AKAP7: variants seen among roughly 807,000 people sequenced by gnomAD.
The protein encoded by AKAP7 is A-kinase anchoring protein 7, also known as A kinase (PRKA) anchor protein 7.
In AKAP7, 39 loss-of-function variants were observed where a neutral mutation model predicts 39.5. That is an observed-to-expected ratio of 0.99 (90% CI 0.76 to 1.29). The LOEUF (loss-of-function observed/expected upper bound fraction) is 1.29, where lower values mean the gene tolerates loss of function less well. AKAP7 is among the 50% of genes most tolerant of loss of function. The probability of loss-of-function intolerance (pLI) is 0.00; values close to 1 mark genes in which losing one functional copy is unlikely to be tolerated. For synonymous variants in AKAP7, 140 were observed against 139.1 expected (o/e 1.01, Z -0.05); for missense variants, 414 against 407.7 (o/e 1.02, Z -0.13).
chr6:131,268,253 G>A (rs1013644872), intron 7 of AKAP7, among the ~76,000 whole-genome samples: 1 of 152,044 alleles, frequency 6.6e-6, no homozygotes, highest in African/African-American at 2.4e-5. Context: ...CCTGGGGGTG[G>A]GTGTCTTGGA....
chr6:131,235,626 T>C (rs1810986148), intron 7 of AKAP7, among the ~76,000 whole-genome samples: 1 of 152,214 alleles, frequency 6.6e-6, no homozygotes, highest in Non-Finnish European at 1.5e-5. Context: ...TGGTATCTCA[T>C]TGTGGTTTTT....
At chr6:131,257,919 A>G (rs987628659) in intron 7 of AKAP7, among the ~76,000 whole-genome samples, 3 of 152,186 alleles carry the variant, frequency 2.0e-5, no homozygotes, top group Non-Finnish European at 4.4e-5. Flanking sequence ...ATATAAGTAG[A>G]AATAAAACCA....
intron 1 of AKAP7, among the ~76,000 whole-genome samples, chr6:131,138,289 A>G (rs1800749172): frequency 6.6e-6 from 1 of 152,198 alleles, no homozygotes; most frequent in South Asian, 2.1e-4. Context: ...TGCAAATGAC[A>G]GGATCTTATT....
intron 7 of AKAP7, among the ~76,000 whole-genome samples, chr6:131,277,739 G>T (rs574913251): frequency 6.6e-6 from 1 of 152,178 alleles, no homozygotes; most frequent in South Asian, 2.1e-4. Flanking sequence ...AAGCCTTCCT[G>T]TAGACTCATC....
intron 5 of AKAP7, among the ~76,000 whole-genome samples, chr6:131,198,600 T>A (rs904082423): frequency 1.3e-5 from 2 of 152,184 alleles, no homozygotes; most frequent in Non-Finnish European, 2.9e-5. Context: ...CTGTTCTTTT[T>A]ACCTAATGTC....
intron 6 of AKAP7, among the ~76,000 whole-genome samples, chr6:131,213,017 G>C (rs1172407216): frequency 6.6e-6 from 1 of 152,118 alleles, no homozygotes; most frequent in Non-Finnish European, 1.5e-5. Context: ...CATTTGAATG[G>C]TATCTGAGGT....
intron 7 of AKAP7, among the ~76,000 whole-genome samples, chr6:131,254,265 T>C (rs1239885549): frequency 6.6e-6 from 1 of 152,224 alleles, no homozygotes; most frequent in Non-Finnish European, 1.5e-5. Flanking sequence ...TAACAAATAC[T>C]ATAGGTATTT....
At chr6:131,153,129 C>CAA (rs527758381) in intron 2 of AKAP7, among the ~76,000 whole-genome samples, 12,675 of 111,358 alleles carry the variant, frequency 0.11, 1,404 homozygotes, top group African/African-American at 0.3. Flanking sequence ...GACTCCATCT[C>CAA]AAAAAAAAAA....
At chr6:131,230,167 T>C (rs781527128) in intron 7 of AKAP7, among the ~76,000 whole-genome samples, 1 of 152,212 alleles carries the variant, frequency 6.6e-6, no homozygotes, top group Non-Finnish European at 1.5e-5. Flanking sequence ...TTGAGAAATC[T>C]CCAAACTGCT....
At chr6:131,204,554 C>T (rs1428015811) in intron 6 of AKAP7, among the ~76,000 whole-genome samples, 4 of 152,116 alleles carry the variant, frequency 2.6e-5, no homozygotes, top group East Asian at 3.9e-4. Flanking sequence ...ATGATTTTTC[C>T]GGTAGATCAG....
chr6:131,272,170 T>A (rs1454790472), intron 7 of AKAP7, among the ~76,000 whole-genome samples: 1 of 152,226 alleles, frequency 6.6e-6, no homozygotes, highest in Non-Finnish European at 1.5e-5. Context: ...TTGTTTATAT[T>A]TCCTGATTAT....
In AKAP7 at chr6:131,282,205, C is replaced by A; in HGVS notation, c.*479C>A. ...TAGTCCATAATGTTTCATGTTTGTCCTAAGTGTGCTGTTGCTATGCAGTGT... is the reference window on the plus strand; with the variant it reads ...TAGTCCATAATGTTTCATGTTTGTCATAAGTGTGCTGTTGCTATGCAGTGT... On this transcript the variant is annotated 3_prime_UTR_variant, in exon 8 of 8. Coordinates refer to ENST00000431975, the MANE Select transcript of AKAP7 (RefSeq NM_016377.4). 1 of 1,299,084 alleles carries A rather than the reference C, an allele frequency of 7.7e-7. No homozygotes were observed. Among genetic ancestry groups the A allele is most frequent in the Admixed American group, 3.7e-5 (1 of 27,222 alleles). The allele number at this position is 1,299,084 out of a possible 1,614,324, so 80.5% of individuals were successfully genotyped here.
intron 5 of AKAP7, among the ~76,000 whole-genome samples, chr6:131,173,097 AG>A (rs1562182904): frequency 6.6e-6 from 1 of 151,550 alleles, no homozygotes; most frequent in Non-Finnish European, 1.5e-5. Flanking sequence ...GCTACTCAAG[AG>A]GCCGAGGCAG....
chr6:131,222,321 C>G (rs536592128), intron 7 of AKAP7, among the ~76,000 whole-genome samples: 1 of 152,054 alleles, frequency 6.6e-6, no homozygotes, highest in Non-Finnish European at 1.5e-5. Flanking sequence ...GTCAGGAGAT[C>G]GAGACCATCC....
At chr6:131,225,035 C>T (rs531534392) in intron 7 of AKAP7, among the ~76,000 whole-genome samples, 10 of 152,006 alleles carry the variant, frequency 6.6e-5, no homozygotes, top group Non-Finnish European at 1.2e-4. Flanking sequence ...GGATTACAGG[C>T]GTGAATTACT....
chr6:131,260,133 C>A (rs1813190649), intron 7 of AKAP7, among the ~76,000 whole-genome samples: 1 of 152,014 alleles, frequency 6.6e-6, no homozygotes, highest in African/African-American at 2.4e-5. Flanking sequence ...AGGACATGAT[C>A]TTGTTCCTTT....
intron 7 of AKAP7, among the ~76,000 whole-genome samples, chr6:131,247,841 G>A (rs1158702458): frequency 6.6e-6 from 1 of 152,046 alleles, no homozygotes; most frequent in East Asian, 1.9e-4. Context: ...TGTTACCCAG[G>A]CTGGTCTCGC....
rs1806401150 is a variant in AKAP7 at position 131,191,503 on chromosome 6, C to A, written c.590-7958C>A. 2.0e-5 allele frequency among the ~76,000 whole-genome samples: 3 copies of A among 151,988 alleles called. No individual in the cohort carries two copies. In the South Asian group the frequency reaches 6.2e-4, roughly 31 times the overall value. ...CTACCCAGCATCTAAATTTTTTATA[C>A]CAATCTCTTGTGTTAGTTACATTCT... On this transcript the variant is annotated intron_variant, in intron 5 of 7. Transcript: ENST00000431975.
intron 7 of AKAP7, among the ~76,000 whole-genome samples, chr6:131,262,309 G>A (rs374490769): frequency 1.1e-4 from 17 of 152,092 alleles, no homozygotes; most frequent in East Asian, 3.9e-4. Flanking sequence ...CAGATCCAGC[G>A]GGCAAAGGAG....
Sources: allele counts gnomAD v4.1 joint callset (sites outside exome capture counted in the v4.1 genomes callset), GRCh38; gene constraint gnomAD v4.1.1; transcripts MANE v1.5; gene names NCBI Gene and HGNC (gene_info 2026-07-23, HGNC 2026-07-21).